IVD: variants seen among roughly 807,000 people sequenced by gnomAD.
IVD encodes isovaleryl-CoA dehydrogenase, mitochondrial.
IVD carries 31 observed loss-of-function variants against 51.3 expected under a neutral mutation model. The ratio of observed to expected loss-of-function variants is 0.60; its 90% CI spans 0.45 to 0.81. The LOEUF (loss-of-function observed/expected upper bound fraction) is 0.81, where lower values mean the gene tolerates loss of function less well. IVD is among the 40% of genes least tolerant of loss of function. The pLI, the probability that IVD is intolerant of heterozygous loss-of-function variation, is 0.00. For synonymous variants in IVD, 205 were observed against 219.4 expected, an observed-to-expected ratio of 0.93 and a Z score of 0.58; for missense variants, 475 against 552.0, an observed-to-expected ratio of 0.86 and a Z score of 1.40.
At position 40,416,075 on chromosome 15, in the gene IVD, C is replaced by T. The variant is rs1891638233; in HGVS notation, c.961-3C>T. 2 of 1,614,084 alleles carry T rather than the reference C, an allele frequency of 1.2e-6. No individual in the cohort carries two copies. The highest frequency in any genetic ancestry group is 1.7e-6 in the Non-Finnish European group (2 of 1,179,918). On this transcript the variant is annotated splice_polypyrimidine_tract_variant and splice_region_variant and intron_variant, in intron 9 of 11. Transcript: ENST00000487418. ...TTGACCTGTGACATCCCTTTGTGCC[C>T]AGTTGATGCAGGGGAAGATGGCTGA...
chr15:40,410,798 G>T lies in IVD; in HGVS notation c.456+1G>T. On this transcript the variant is annotated splice_donor_variant, in intron 4 of 11. Transcript: ENST00000487418. LOFTEE classifies it high-confidence loss of function. Reference sequence around the variant, plus strand: ...CCAGAAAGAGAAGTATCTCCCGAAGGTGAGGAAATGGAAATGTAATACACG... The same window carrying T: ...CCAGAAAGAGAAGTATCTCCCGAAGTTGAGGAAATGGAAATGTAATACACG... 1 of 1,614,112 alleles carries T rather than the reference G, an allele frequency of 6.2e-7. No homozygotes were observed. The highest frequency in any genetic ancestry group is 1.1e-5 in the South Asian group (1 of 91,074).
rs1566941465 is a variant in IVD at position 40,416,272 on chromosome 15, C to T, written c.1066-18C>T. The T allele has an allele frequency of 6.2e-7, 1 of 1,614,176 alleles. No homozygotes were observed. On this transcript the variant is annotated intron_variant, in intron 10 of 11. Coordinates refer to ENST00000487418, the MANE Select transcript of IVD (RefSeq NM_002225.5). ...GCGTGCCTCGCAGGGCCCTGCTGACCCCAGCTTCCTCCCGTAGGACTGTGC... is the reference window on the plus strand; with the variant it reads ...GCGTGCCTCGCAGGGCCCTGCTGACTCCAGCTTCCTCCCGTAGGACTGTGC...
At chr15:40,424,134 G>C, downstream of IVD, 1 of 1,283,822 alleles carries the variant, frequency 7.8e-7, no homozygotes, top group Non-Finnish European at 1.0e-6. Flanking sequence ...CCTTCTTCCA[G>C]GCCATGCCCC....
chr15:40,424,210 A>G (rs573977336), downstream of IVD: 11 of 1,287,220 alleles, frequency 8.5e-6, no homozygotes, highest in Admixed American at 2.1e-4. Flanking sequence ...AGTGGCTCCC[A>G]GCACCTGTAA....
At chr15:40,413,595 A>T (rs1891318274) in intron 7 of IVD, among the ~76,000 whole-genome samples, 1 of 152,096 alleles carries the variant, frequency 6.6e-6, no homozygotes, top group South Asian at 2.1e-4. Flanking sequence ...GACATGGTGG[A>T]GCACTGTGGG....
chr15:40,428,381 C>T (rs1428522849), downstream of IVD, among the ~76,000 whole-genome samples: 1 of 152,110 alleles, frequency 6.6e-6, no homozygotes, highest in Non-Finnish European at 1.5e-5. Flanking sequence ...GCCCCTCTCT[C>T]CCAGGTACCC....
chr15:40,428,499 G>A (rs572741299), downstream of IVD, among the ~76,000 whole-genome samples: 1 of 152,234 alleles, frequency 6.6e-6, no homozygotes, highest in African/African-American at 2.4e-5. Context: ...TCCCTAGGAG[G>A]CTGCTTGGCT....
chr15:40,410,863 TC>T lies in IVD; in HGVS notation c.456+70del, dbSNP rs1265061755. 2.5e-6 allele frequency: 4 copies of T among 1,571,180 alleles called. No individual in the cohort carries two copies. The Admixed American group carries it at 7.2e-5, about 28-fold the overall frequency. ...CAACCACCAACTAAAAGATACCCTC[TC>T]CCCTTGGGGGCCAGTCAGACCTGCT... On this transcript the variant is annotated intron_variant, in intron 4 of 11. Transcript: ENST00000487418.
At chr15:40,406,926 C>T (rs1218484451) in intron 1 of IVD, among the ~76,000 whole-genome samples, 3 of 150,604 alleles carry the variant, frequency 2.0e-5, no homozygotes, top group East Asian at 2.0e-4. Flanking sequence ...TGTAATGGCG[C>T]GATCTCCGCT....
At position 40,420,261 on chromosome 15, in the gene IVD, C is replaced by T. The variant is rs1892175928; in HGVS notation, c.*1998C>T. ...CGCCCTGCCACGGGCACCATCCAGTCCTGGCCGTGTGACCACCCACAGCTG... is the reference window on the plus strand; with the variant it reads ...CGCCCTGCCACGGGCACCATCCAGTTCTGGCCGTGTGACCACCCACAGCTG... On this transcript the variant is annotated 3_prime_UTR_variant, in exon 12 of 12. Transcript: ENST00000487418. 7.1e-6 allele frequency: 7 copies of T among 987,626 alleles called. No individual in the cohort carries two copies. The highest frequency in any genetic ancestry group is 5.8e-4 in the Middle Eastern group (2 of 3,444). The allele number at this position is 987,626 out of a possible 1,614,324, so 61.2% of individuals were successfully genotyped here.
At chr15:40,408,386 G>A (rs1194691749) in intron 3 of IVD, among the ~76,000 whole-genome samples, 3 of 152,152 alleles carry the variant, frequency 2.0e-5, no homozygotes, top group East Asian at 1.9e-4. Flanking sequence ...GTGGCCTCTC[G>A]GCAGGAACAC....
intron 8 of IVD, 200 bp downstream of exon 8, chr15:40,415,182 CA>C: frequency 1.3e-6 from 1 of 756,728 alleles, no homozygotes; most frequent in Non-Finnish European, 2.2e-6. Flanking sequence ...AAGTAACAGA[CA>C]AAAGGCCTGA....
At chr15:40,406,656 G>A (rs1890451377) in intron 1 of IVD, among the ~76,000 whole-genome samples, 1 of 152,184 alleles carries the variant, frequency 6.6e-6, no homozygotes, top group Non-Finnish European at 1.5e-5. Flanking sequence ...AGACGAAGTA[G>A]TATTTACAAA....
In IVD at chr15:40,405,892, C is replaced by T. The variant is rs750418369; in HGVS notation, c.65C>T (p.Ala22Val). ...VASWRLRPPLAGFVSQRAHSL... is the reference protein window; with the variant it reads ...VASWRLRPPLVGFVSQRAHSL... ...AGCTGGAGGCTGCGGCCGCCGCTTG[C>T]CGGCTTCGTTTCCCAGCGGGCCCAC... Residue 22 changes from alanine (A) to valine (V), a missense_variant, in exon 1 of 12, where the codon GCC (alanine) becomes GTC (valine). Transcript: ENST00000487418. The T allele has an allele frequency of 6.2e-7, 1 of 1,613,200 alleles. No individual in the cohort carries two copies. The highest frequency in any genetic ancestry group is 1.3e-5 in the African/African-American group (1 of 74,918).
At chr15:40,426,905 C>T (rs1244622478), downstream of IVD, among the ~76,000 whole-genome samples, 1 of 152,200 alleles carries the variant, frequency 6.6e-6, no homozygotes, top group Non-Finnish European at 1.5e-5. Flanking sequence ...GACCCATGCA[C>T]TGGGCGACGG....
chr15:40,409,031 C>T (rs145637990), intron 3 of IVD, among the ~76,000 whole-genome samples: 6 of 152,254 alleles, frequency 3.9e-5, no homozygotes, highest in Non-Finnish European at 8.8e-5. Context: ...CTTCTCCTTA[C>T]ATCCTAGAAA....
At chr15:40,415,162 A>G (rs1406345925) in intron 8 of IVD, 180 bp downstream of exon 8, 16 of 788,080 alleles carry the variant, frequency 2.0e-5, no homozygotes, top group Non-Finnish European at 3.0e-5. Context: ...CACAGTGGGG[A>G]AATATCATTA....
At chr15:40,433,806 A>G (rs746251689) in intron 7 of IVD, 22 of 456,228 alleles carry the variant, frequency 4.8e-5, no homozygotes, top group Admixed American at 1.2e-4. Context: ...GTCACCTAGA[A>G]GAGCCCACAA....
At chr15:40,430,338 C>T (rs974572632) in intron 7 of IVD, among the ~76,000 whole-genome samples, 1 of 152,230 alleles carries the variant, frequency 6.6e-6, no homozygotes. Context: ...CCAGGAATCA[C>T]CGGCTTGCCA....
Sources: allele counts gnomAD v4.1 joint callset (sites outside exome capture counted in the v4.1 genomes callset), GRCh38; gene constraint gnomAD v4.1.1; transcripts MANE v1.5; gene names NCBI Gene and HGNC (gene_info 2026-07-23, HGNC 2026-07-21).